TRPS1: variants seen among roughly 807,000 people sequenced by gnomAD.
TRPS1 encodes the protein zinc finger transcription factor Trps1.
In TRPS1, 6 loss-of-function variants were observed where a neutral mutation model predicts 101.2. The observed-to-expected ratio is 0.06, with a 90% CI of 0.03 to 0.12. The LOEUF (loss-of-function observed/expected upper bound fraction) is 0.12, where lower values mean the gene tolerates loss of function less well. Ranked by LOEUF, TRPS1 falls within the 10% of genes least tolerant of loss-of-function variation. The pLI, the probability that TRPS1 is intolerant of heterozygous loss-of-function variation, is 1.00. For synonymous variants in TRPS1, 578 were observed against 589.8 expected (o/e 0.98, Z 0.29); for missense variants, 1,363 against 1,567.0 (o/e 0.87, Z 2.20).
At chr8:115,603,836 T>C (rs1417745838) in intron 4 of TRPS1, 37 bp downstream of exon 4, 5 of 1,610,886 alleles carry the variant, frequency 3.1e-6, no homozygotes, top group Non-Finnish European at 4.2e-6. Flanking sequence ...ATTATTTTAT[T>C]TGTATATTCC....
intron 5 of TRPS1, among the ~76,000 whole-genome samples, chr8:115,530,031 G>A (rs553292294): frequency 1.3e-5 from 2 of 152,046 alleles, no homozygotes; most frequent in Admixed American, 6.6e-5. Context: ...CCTGAATATC[G>A]GGTTCCTATA....
In TRPS1 at chr8:115,413,361, G is replaced by GGTGTGCAT. The variant is rs1812833477; in HGVS notation, c.*654_*661dup. On this transcript the variant is annotated 3_prime_UTR_variant, in exon 7 of 7. Transcript: ENST00000395715. Reference sequence around the variant, plus strand: ...TCTAAAGGACAAAAATATCAGAGAGGGTGTGCATGTGTATGTACAGGCAGG... The same window carrying GGTGTGCAT: ...TCTAAAGGACAAAAATATCAGAGAGGGTGTGCATGTGTGCATGTGTATGTACAGGCAGG... 1 of 152,554 alleles carries GGTGTGCAT rather than the reference G, an allele frequency of 6.6e-6. No individual in the cohort carries two copies. Among genetic ancestry groups the GGTGTGCAT allele is most frequent in the South Asian group, 2.1e-4 (1 of 4,824 alleles). 9.5% of individuals were successfully genotyped at this position (152,554 alleles called of 1,614,324 possible).
At chr8:115,550,212 T>G (rs1422978859) in intron 5 of TRPS1, among the ~76,000 whole-genome samples, 1 of 152,146 alleles carries the variant, frequency 6.6e-6, no homozygotes, top group Non-Finnish European at 1.5e-5. Context: ...AGACTCTGTC[T>G]CAAAAAAGAA....
intron 5 of TRPS1, among the ~76,000 whole-genome samples, chr8:115,563,148 G>A (rs968690557): frequency 1.3e-5 from 2 of 151,850 alleles, no homozygotes; most frequent in African/African-American, 4.8e-5. Context: ...AAGAAAAAAC[G>A]TCCCACCCAA....
At chr8:115,504,902 C>T (rs112231726) in intron 5 of TRPS1, among the ~76,000 whole-genome samples, 2,043 of 152,186 alleles carry the variant, frequency 0.013, 43 homozygotes, top group African/African-American at 0.046. Flanking sequence ...AACACCATCA[C>T]AGGATAACAT....
chr8:115,553,530 T>G (rs543344148), intron 5 of TRPS1, among the ~76,000 whole-genome samples: 2 of 152,296 alleles, frequency 1.3e-5, no homozygotes, highest in African/African-American at 4.8e-5. Context: ...TTATTGCTGC[T>G]TATCGTTTAT....
chr8:115,599,811 G>C (rs1001866406), intron 4 of TRPS1, among the ~76,000 whole-genome samples: 2 of 152,174 alleles, frequency 1.3e-5, no homozygotes, highest in Non-Finnish European at 2.9e-5. Flanking sequence ...ACATGTGCAT[G>C]TGTCTTTATA....
chr8:115,563,001 T>C (rs1217010818), intron 5 of TRPS1, among the ~76,000 whole-genome samples: 1 of 151,200 alleles, frequency 6.6e-6, no homozygotes, highest in African/African-American at 2.4e-5. Flanking sequence ...CTAAGGCAAA[T>C]AGCATGATCG....
chr8:115,454,376 T>G (rs1454715375), intron 5 of TRPS1, among the ~76,000 whole-genome samples: 2 of 152,234 alleles, frequency 1.3e-5, no homozygotes, highest in Non-Finnish European at 2.9e-5. Flanking sequence ...CTTTTCAAGT[T>G]TTTTGGCTTT....
intron 5 of TRPS1, among the ~76,000 whole-genome samples, chr8:115,487,307 T>G (rs1019768661): frequency 6.6e-6 from 1 of 152,170 alleles, no homozygotes; most frequent in South Asian, 2.1e-4. Context: ...ACAATGCACC[T>G]GGTTACCCCA....
rs543591542 is a variant in TRPS1, at chr8:115,667,573, A to G, written c.-122+972T>C. ...GGCGCATCAACCGCATCGCAGAGGA[A>G]GTCTGCCCCTTCCTCAGCCCCTACG... On this transcript the variant is annotated intron_variant, in intron 1 of 6. Transcript: ENST00000395715. Among the ~76,000 whole-genome samples, 66 of 152,264 alleles carry G rather than the reference A, an allele frequency of 4.3e-4. No individual in the cohort carries two copies. In the South Asian group the frequency reaches 0.013, roughly 31 times the overall value.
At chr8:115,503,079 C>G (rs542883657) in intron 5 of TRPS1, among the ~76,000 whole-genome samples, 1 of 151,798 alleles carries the variant, frequency 6.6e-6, no homozygotes, top group Non-Finnish European at 1.5e-5. Context: ...CTGGCTAACA[C>G]GATGAAACCC....
At chr8:115,481,223 T>A (rs1335443566) in intron 5 of TRPS1, among the ~76,000 whole-genome samples, 2 of 152,106 alleles carry the variant, frequency 1.3e-5, no homozygotes. Context: ...ATAGCTGTTG[T>A]AAAGGCTGGT....
At chr8:115,445,691 T>G (rs1813715439) in intron 5 of TRPS1, among the ~76,000 whole-genome samples, 1 of 152,156 alleles carries the variant, frequency 6.6e-6, no homozygotes, top group South Asian at 2.1e-4. Context: ...ACAGGCACAC[T>G]AACTTGAAGA....
At position 115,496,783 on chromosome 8, in the gene TRPS1, G is replaced by A. The variant is rs74563079; in HGVS notation, c.2701-78331C>T. 5.2e-3 allele frequency among the ~76,000 whole-genome samples: 798 copies of A among 152,184 alleles called. 4 individuals are homozygous for A. The highest frequency in any genetic ancestry group is 9.0e-3 in the Admixed American group (138 of 15,286). On this transcript the variant is annotated intron_variant, in intron 5 of 6. Coordinates refer to ENST00000395715, the MANE Select transcript of TRPS1 (RefSeq NM_014112.5). ...TTCAAAATAACTAGTAGTCTATACC[G>A]TGAAGTCCTGATTAATATTTATTAC...
At chr8:115,666,283 TAA>T (rs895520203) in intron 1 of TRPS1, among the ~76,000 whole-genome samples, 1 of 143,924 alleles carries the variant, frequency 6.9e-6, no homozygotes, top group Non-Finnish European at 1.5e-5. Flanking sequence ...CACTTAAAGG[TAA>T]AAAAAAAAAA....
intron 1 of TRPS1, chr8:115,637,422 T>C (rs551032358): frequency 1.9e-6 from 1 of 538,442 alleles, no homozygotes; most frequent in East Asian, 1.5e-4. Context: ...AAGTGATGGG[T>C]TTCAAAACAA....
intron 5 of TRPS1, among the ~76,000 whole-genome samples, chr8:115,487,670 C>T (rs1814918234): frequency 6.6e-6 from 1 of 152,102 alleles, no homozygotes; most frequent in Non-Finnish European, 1.5e-5. Flanking sequence ...GAGTAAGTAA[C>T]TATAGATTTG....
intron 5 of TRPS1, among the ~76,000 whole-genome samples, chr8:115,531,307 A>AG (rs1816126069): frequency 2.0e-5 from 3 of 152,174 alleles, no homozygotes; most frequent in Non-Finnish European, 4.4e-5. Flanking sequence ...ATTAAATTAA[A>AG]TAGTCAAAGT....
Sources: allele counts gnomAD v4.1 joint callset (sites outside exome capture counted in the v4.1 genomes callset), GRCh38; gene constraint gnomAD v4.1.1; transcripts MANE v1.5; gene names NCBI Gene and HGNC (gene_info 2026-07-23, HGNC 2026-07-21).